HIVEP3: variants seen among roughly 807,000 people sequenced by gnomAD.
The protein encoded by HIVEP3 is HIVEP zinc finger 3, also known as transcription factor HIVEP3.
In HIVEP3, 49 loss-of-function variants were observed where a neutral mutation model predicts 152.8. The ratio of observed to expected loss-of-function variants is 0.32; its 90% confidence interval spans 0.26 to 0.41. The LOEUF is 0.41. HIVEP3 is among the 10% of genes least tolerant of loss of function. HIVEP3 has a pLI of 1.00. For missense variants in HIVEP3, 2,790 were observed against 3,103.3 expected, an observed-to-expected ratio of 0.90 and a Z score of 2.40; for synonymous variants, 1,269 against 1,289.0, an observed-to-expected ratio of 0.98 and a Z score of 0.33.
At chr1:41,648,104 C>T (rs1645488608) in intron 2 of HIVEP3, among the ~76,000 whole-genome samples, 1 of 152,230 alleles carries the variant, frequency 6.6e-6, no homozygotes, top group African/African-American at 2.4e-5. Flanking sequence ...AGATCTCACC[C>T]ACTGCAGGGG....
intron 1 of HIVEP3, among the ~76,000 whole-genome samples, chr1:41,753,706 T>TAAATAAATA (rs371969654): frequency 6.7e-6 from 1 of 149,468 alleles, no homozygotes; most frequent in Non-Finnish European, 1.5e-5. Flanking sequence ...AATAAATAAA[T>TAAATAAATA]AAAAATAGAA....
intron 3 of HIVEP3, among the ~76,000 whole-genome samples, chr1:41,599,958 G>A (rs1483392805): frequency 3.9e-5 from 6 of 152,224 alleles, no homozygotes; most frequent in East Asian, 1.9e-4. Flanking sequence ...CAAGAAGCAC[G>A]TGAAAAGATG....
intron 1 of HIVEP3, among the ~76,000 whole-genome samples, chr1:41,844,166 G>A (rs1643369947): frequency 6.6e-6 from 1 of 152,168 alleles, no homozygotes; most frequent in Admixed American, 6.5e-5. Flanking sequence ...AGGAGACCCA[G>A]CCCCACCAAG....
intron 1 of HIVEP3, among the ~76,000 whole-genome samples, chr1:42,008,522 C>T (rs914926560): frequency 6.6e-5 from 10 of 152,302 alleles, no homozygotes; most frequent in African/African-American, 2.4e-4. Context: ...AATTGTTATA[C>T]TGGGATTTCT....
At chr1:41,705,089 T>C (rs574043572) in intron 1 of HIVEP3, among the ~76,000 whole-genome samples, 2 of 152,334 alleles carry the variant, frequency 1.3e-5, no homozygotes, top group South Asian at 2.1e-4. Context: ...TGAACCCTCA[T>C]GACAATCCTG....
intron 1 of HIVEP3, among the ~76,000 whole-genome samples, chr1:41,767,355 C>T (rs1648078048): frequency 6.6e-6 from 1 of 152,220 alleles, no homozygotes; most frequent in Non-Finnish European, 1.5e-5. Context: ...GCTCTGGTTT[C>T]ATGGCGGGAG....
chr1:41,699,519 C>T (rs953732613), intron 2 of HIVEP3, among the ~76,000 whole-genome samples: 7 of 152,208 alleles, frequency 4.6e-5, no homozygotes, highest in African/African-American at 1.4e-4. Flanking sequence ...TGAATCCTTA[C>T]AGAATTGCTG....
At chr1:41,880,047 C>G (rs987924621) in intron 1 of HIVEP3, among the ~76,000 whole-genome samples, 11 of 152,156 alleles carry the variant, frequency 7.2e-5, no homozygotes, top group African/African-American at 2.4e-4. Flanking sequence ...AATTAGCTTG[C>G]CTGGGATCAT....
chr1:41,812,397 G>A (rs1204075598), intron 1 of HIVEP3, among the ~76,000 whole-genome samples: 1 of 152,056 alleles, frequency 6.6e-6, no homozygotes, highest in South Asian at 2.1e-4. Context: ...TGACCATGTC[G>A]CTGCACTCCA....
At chr1:41,593,153 A>T (rs960183968) in intron 3 of HIVEP3, among the ~76,000 whole-genome samples, 4 of 152,228 alleles carry the variant, frequency 2.6e-5, no homozygotes, top group Non-Finnish European at 5.9e-5. Context: ...TTCTTAAATG[A>T]AAAATTACTT....
At chr1:41,551,209 C>T (rs547557295) in intron 5 of HIVEP3, among the ~76,000 whole-genome samples, 40 of 152,190 alleles carry the variant, frequency 2.6e-4, no homozygotes, top group East Asian at 3.8e-4. Flanking sequence ...ACCATCCTTG[C>T]GTCCCAGGGA....
intron 1 of HIVEP3, among the ~76,000 whole-genome samples, chr1:41,878,394 A>G (rs1644204533): frequency 6.6e-6 from 1 of 152,246 alleles, no homozygotes. Context: ...CAATGGAACC[A>G]GACCCCCAAG....
intron 1 of HIVEP3, among the ~76,000 whole-genome samples, chr1:41,886,018 T>G (rs1644340698): frequency 6.6e-6 from 1 of 152,210 alleles, no homozygotes; most frequent in African/African-American, 2.4e-5. Context: ...CATGGACCCC[T>G]TTCAAGGCCC....
At chr1:41,540,515 G>T (rs2149068625) in intron 5 of HIVEP3, among the ~76,000 whole-genome samples, 1 of 152,278 alleles carries the variant, frequency 6.6e-6, no homozygotes, top group East Asian at 1.9e-4. Context: ...ACTCCAATCT[G>T]GAAAGGAGAC....
chr1:41,791,121 T>TACACACAC (rs60729364), intron 1 of HIVEP3, among the ~76,000 whole-genome samples: 189 of 140,824 alleles, frequency 1.3e-3, no homozygotes, highest in South Asian at 3.1e-3. Flanking sequence ...CACACATGTG[T>TACACACAC]ACACACACAC....
chr1:41,839,782 TAAC>T (rs1270485105), intron 1 of HIVEP3, among the ~76,000 whole-genome samples: 1 of 152,076 alleles, frequency 6.6e-6, no homozygotes, highest in African/African-American at 2.4e-5. Context: ...GGAAACAGAG[TAAC>T]GGTCTACCTT....
intron 1 of HIVEP3, among the ~76,000 whole-genome samples, chr1:41,839,532 C>T (rs1290179240): frequency 6.6e-6 from 1 of 152,182 alleles, no homozygotes; most frequent in Admixed American, 6.5e-5. Context: ...TGGGCACCCC[C>T]AAGGCACCTC....
chr1:41,761,199 A>G (rs998290749), intron 1 of HIVEP3, among the ~76,000 whole-genome samples: 6 of 152,200 alleles, frequency 3.9e-5, no homozygotes, highest in African/African-American at 1.4e-4. Flanking sequence ...CACCTATGTG[A>G]GTGCCCAGGT....
At chr1:42,008,326 T>C (rs1016986073) in intron 1 of HIVEP3, among the ~76,000 whole-genome samples, 22 of 152,216 alleles carry the variant, frequency 1.4e-4, no homozygotes, top group Admixed American at 5.2e-4. Context: ...TGTATGTGGA[T>C]TATGACTTTG....
Sources: gnomAD v4.1 joint callset for allele counts (sites outside exome capture counted in the v4.1 genomes callset) on GRCh38, gnomAD v4.1.1 for gene constraint, MANE v1.5 for transcripts, NCBI Gene and HGNC (gene_info 2026-07-23, HGNC 2026-07-21) for gene names.